DUS2: variants seen among roughly 807,000 people sequenced by gnomAD.
DUS2 encodes tRNA-dihydrouridine(20) synthase [NAD(P)+]-like.
DUS2 carries 52 observed loss-of-function variants against 71.3 expected under a neutral mutation model. The observed-to-expected ratio is 0.73, with a 90% CI of 0.58 to 0.92. DUS2 has a LOEUF of 0.92. DUS2 is among the 40% of genes least tolerant of loss of function. DUS2 has a pLI of 0.00. For missense variants in DUS2, 558 were observed against 622.6 expected (o/e 0.90, Z 1.10); for synonymous variants, 204 against 227.8 (o/e 0.90, Z 0.94).
rs758308069 is a variant in DUS2, at chr16:68,078,821, T to A, written c.1317T>A (p.Gly439=). The A allele has an allele frequency of 1.2e-6, 2 of 1,613,244 alleles. No individual in the cohort carries two copies. Among genetic ancestry groups the A allele is most frequent in the Non-Finnish European group, 1.7e-6 (2 of 1,179,666 alleles). ...TGCGGAGCCAGGGCCTCCCTGAGGG[T>A]CGGCTGGGTGAGGAGAGCCCTTCCT... ...VCLRSQGLPE[G]RLGEESPSLH... The change falls in exon 17 of 17, where the codon GGT becomes GGA. Residue 439 remains glycine, a synonymous_variant. Coordinates refer to ENST00000565263, the MANE Select transcript of DUS2 (RefSeq NM_017803.5).
At chr16:68,056,502 C>T (rs1311834221) in intron 7 of DUS2, 78 bp downstream of exon 7, 2 of 1,198,812 alleles carry the variant, frequency 1.7e-6, no homozygotes, top group Non-Finnish European at 1.2e-6. Context: ...AAGTATAGTA[C>T]CTAACTCTGG....
intron 2 of DUS2, 97 bp from the exon 3 acceptor site, chr16:68,037,909 G>A (rs1034531987): frequency 7.3e-6 from 9 of 1,230,260 alleles, no homozygotes; most frequent in Middle Eastern, 2.6e-4. Flanking sequence ...GAAAACTACT[G>A]TGTGCTGGAA....
intron 2 of DUS2, among the ~76,000 whole-genome samples, chr16:68,027,504 A>G (rs901233356): frequency 7.9e-5 from 12 of 152,178 alleles, no homozygotes; most frequent in African/African-American, 2.4e-4. Context: ...TGGCCTCCCA[A>G]AGTGCTGGGA....
chr16:68,069,752 G>T lies in DUS2; in HGVS notation c.555-382G>T, dbSNP rs375133540. 6.2e-3 allele frequency among the ~76,000 whole-genome samples: 944 copies of T among 152,326 alleles called. 11 individuals are homozygous for T. The highest frequency in any genetic ancestry group is 0.022 in the African/African-American group (901 of 41,578). On this transcript the variant is annotated intron_variant, in intron 10 of 16. Coordinates refer to ENST00000565263, the MANE Select transcript of DUS2 (RefSeq NM_017803.5). ...CAGCAGCTGTTCCCAGTCCCTTGGA[G>T]AGGGCAGGACTGGGACAGTAGGGGC...
At chr16:68,032,050 T>C (rs1168941547) in intron 2 of DUS2, among the ~76,000 whole-genome samples, 1 of 152,134 alleles carries the variant, frequency 6.6e-6, no homozygotes, top group East Asian at 1.9e-4. Flanking sequence ...TTAAAAGGAA[T>C]GGTAGAAGAG....
Position 68,072,154 on chromosome 16 carries a change from G to A in DUS2, c.810+1046G>A, listed in dbSNP as rs6499158. 3.9e-3 allele frequency among the ~76,000 whole-genome samples: 593 copies of A among 152,350 alleles called. 6 individuals carry two copies. The highest frequency in any genetic ancestry group is 0.014 in the African/African-American group (580 of 41,574). ...GGAGTGCCTGTGGCTGCCATGGTAT[G>A]TGAGTGTTTCCATGGCTGTGCAAGC... On this transcript the variant is annotated intron_variant, in intron 12 of 16. Coordinates refer to ENST00000565263, the MANE Select transcript of DUS2 (RefSeq NM_017803.5).
intron 8 of DUS2, among the ~76,000 whole-genome samples, chr16:68,063,218 G>A (rs1414037118): frequency 6.6e-6 from 1 of 152,218 alleles, no homozygotes; most frequent in Non-Finnish European, 1.5e-5. Flanking sequence ...GATGGGGTTT[G>A]CCCCATGGTA....
intron 13 of DUS2, 129 bp downstream of exon 13, chr16:68,074,284 A>G (rs2034128114): frequency 1.6e-6 from 2 of 1,241,136 alleles, no homozygotes; most frequent in Non-Finnish European, 2.3e-6. Context: ...GAGTGGAGTG[A>G]TGGTACAGCT....
rs2033572592 is a variant in DUS2, at chr16:68,038,713, G to C, written c.126+564G>C. ...CCACTGCACTCCAGCCTGGGCAACA[G>C]AGCAAGACTCCATCTCAAAAAAAAA... On this transcript the variant is annotated intron_variant, in intron 3 of 16. Coordinates refer to ENST00000565263, the MANE Select transcript of DUS2 (RefSeq NM_017803.5). Among the ~76,000 whole-genome samples, 5 of 140,482 alleles carry C rather than the reference G, an allele frequency of 3.6e-5. No individual in the cohort carries two copies. In the East Asian group the frequency reaches 1.0e-3, roughly 29 times the overall value. The allele number at this position is 140,482 out of a possible 152,430, so 92.2% of individuals were successfully genotyped here. A position where few individuals can be genotyped will look rare whatever the true frequency, so the allele number is the denominator to read the frequency against.
In DUS2 at chr16:68,069,100, T is replaced by C. The variant is rs2034049302; in HGVS notation, c.555-1034T>C. Among the ~76,000 whole-genome samples the C allele has an allele frequency of 2.0e-5, 3 of 151,714 alleles. No individual in the cohort carries two copies. In the South Asian group the frequency reaches 6.2e-4, roughly 32 times the overall value. Reference sequence around the variant, plus strand: ...TCGACCCTTTTGTTGAAGAGTATAGTAGAGGGGCCCGGGCGCGGTGGCTAA... The same window carrying C: ...TCGACCCTTTTGTTGAAGAGTATAGCAGAGGGGCCCGGGCGCGGTGGCTAA... On this transcript the variant is annotated intron_variant, in intron 10 of 16. Transcript: ENST00000565263.
chr16:68,067,405 C>A (rs2034025999), intron 10 of DUS2, among the ~76,000 whole-genome samples: 1 of 144,298 alleles, frequency 6.9e-6, no homozygotes, highest in African/African-American at 2.6e-5. Flanking sequence ...CCTCAGCCTC[C>A]CGAGTAGCTG....
chr16:68,056,843 A>C (rs2033859943), intron 7 of DUS2, among the ~76,000 whole-genome samples: 1 of 145,064 alleles, frequency 6.9e-6, no homozygotes, highest in African/African-American at 2.5e-5. Context: ...GTTATATATT[A>C]TATAATGTTA....
chr16:68,075,626 T>G, intron 14 of DUS2, 122 bp downstream of exon 14: 1 of 1,052,400 alleles, frequency 9.5e-7, no homozygotes. Context: ...TCTTGTTGGT[T>G]TGGAAACTCG....
intron 4 of DUS2, among the ~76,000 whole-genome samples, chr16:68,051,675 G>C (rs1408740010): frequency 6.6e-6 from 1 of 152,072 alleles, no homozygotes; most frequent in Non-Finnish European, 1.5e-5. Context: ...ACAGGACTTA[G>C]CCATCACACT....
At chr16:68,032,709 C>T (rs1180911134) in intron 2 of DUS2, among the ~76,000 whole-genome samples, 1 of 150,368 alleles carries the variant, frequency 6.7e-6, no homozygotes, top group Non-Finnish European at 1.5e-5. Context: ...GTGGCTCACA[C>T]CTGTAATCCC....
At chr16:68,064,544 C>A (rs1388793760) in intron 8 of DUS2, among the ~76,000 whole-genome samples, 2 of 152,206 alleles carry the variant, frequency 1.3e-5, no homozygotes, top group Non-Finnish European at 2.9e-5. Flanking sequence ...TCTAAGTGAG[C>A]ACTTGTAATG....
intron 5 of DUS2, chr16:68,053,868 T>C: frequency 5.5e-6 from 3 of 543,860 alleles, no homozygotes; most frequent in Non-Finnish European, 9.8e-6. Context: ...CACAGTCTTA[T>C]ATGTCTCTAG....
At chr16:68,063,515 C>G (rs2033968143) in intron 8 of DUS2, among the ~76,000 whole-genome samples, 1 of 152,146 alleles carries the variant, frequency 6.6e-6, no homozygotes, top group African/African-American at 2.4e-5. Flanking sequence ...GAATTATACA[C>G]TTAAAAATGT....
intron 3 of DUS2, among the ~76,000 whole-genome samples, chr16:68,039,458 G>A (rs1304254028): frequency 2.6e-5 from 4 of 151,522 alleles, no homozygotes; most frequent in East Asian, 3.9e-4. Context: ...TCGCTCTGTC[G>A]CCCAGGCTGG....
Sources: gnomAD v4.1 joint callset for allele counts (sites outside exome capture counted in the v4.1 genomes callset) on GRCh38, gnomAD v4.1.1 for gene constraint, MANE v1.5 for transcripts, NCBI Gene and HGNC (gene_info 2026-07-23, HGNC 2026-07-21) for gene names.